Variants in TGM4 observed in about 807,000 individuals in gnomAD.
TGM4 encodes the protein transglutaminase 4.
Under a neutral mutation model 76.3 loss-of-function variants are expected in TGM4, and 61 were observed. The ratio of observed to expected loss-of-function variants is 0.80; its 90% CI spans 0.65 to 0.99. The LOEUF is 0.99. Ranked by LOEUF, TGM4 falls within the 50% of genes least tolerant of loss-of-function variation. The pLI is 0.00. For synonymous variants in TGM4, 337 were observed against 329.8 expected (o/e 1.02, Z -0.24); for missense variants, 794 against 843.2 (o/e 0.94, Z 0.72).
chr3:44,878,386 G>A (rs1179445794), intron 1 of TGM4, among the ~76,000 whole-genome samples: 1 of 151,504 alleles, frequency 6.6e-6, no homozygotes, highest in Non-Finnish European at 1.5e-5. Flanking sequence ...TCTGGAGAAA[G>A]GATCTGGGAG....
chr3:44,894,679 G>A (rs1289146684), intron 5 of TGM4, among the ~76,000 whole-genome samples: 1 of 151,444 alleles, frequency 6.6e-6, no homozygotes, highest in Non-Finnish European at 1.5e-5. Flanking sequence ...AAAAACTCCT[G>A]GGAAATGCCA....
At chr3:44,885,273 G>C in intron 1 of TGM4, 52 bp from the exon 2 acceptor site, 1 of 1,536,644 alleles carries the variant, frequency 6.5e-7, no homozygotes, top group Non-Finnish European at 8.8e-7. Context: ...GAGGTGATCA[G>C]GGAATAAACA....
At chr3:44,878,071 A>T (rs980109516) in intron 1 of TGM4, among the ~76,000 whole-genome samples, 1 of 151,994 alleles carries the variant, frequency 6.6e-6, no homozygotes, top group Non-Finnish European at 1.5e-5. Context: ...GGATTGCTTC[A>T]GCCCAGGAGG....
intron 1 of TGM4, among the ~76,000 whole-genome samples, chr3:44,875,996 G>T (rs1399241122): frequency 6.6e-6 from 1 of 152,196 alleles, no homozygotes; most frequent in East Asian, 1.9e-4. Context: ...CTTTGGGCAG[G>T]TTACATCAAT....
chr3:44,884,553 C>T (rs1487467747), intron 1 of TGM4, among the ~76,000 whole-genome samples: 2 of 152,002 alleles, frequency 1.3e-5, no homozygotes, highest in Non-Finnish European at 2.9e-5. Flanking sequence ...GGCTTGATCT[C>T]GGCTCCTGAT....
intron 9 of TGM4, among the ~76,000 whole-genome samples, chr3:44,905,984 G>A (rs1354681082): frequency 6.6e-6 from 1 of 152,228 alleles, no homozygotes; most frequent in Non-Finnish European, 1.5e-5. Context: ...GAGAGGCAGA[G>A]GAAGCCCTGT....
chr3:44,907,097 C>T lies in TGM4; in HGVS notation c.1224C>T (p.His408=), dbSNP rs758227185. 10 of 1,614,098 alleles carry T rather than the reference C, an allele frequency of 6.2e-6. No homozygotes were observed. Among genetic ancestry groups the T allele is most frequent in the Non-Finnish European group, 6.8e-6 (8 of 1,180,026 alleles). ...VKMVNGQEEL[H]VISMETTSIG... is the part of the protein sequence containing the mutation. ...TGGTGAATGGGCAGGAGGAGTTACA[C>T]GTAATTTCAATGGAGACCACAAGCA... Residue 408 remains histidine, a synonymous_variant, in exon 10 of 14, where the codon CAC becomes CAT. Transcript: ENST00000296125.
chr3:44,910,137 A>C lies in TGM4; in HGVS notation c.1375A>C (p.Ser459Arg). The C allele has an allele frequency of 6.2e-7, 1 of 1,614,224 alleles. No homozygotes were observed. Among genetic ancestry groups the C allele is most frequent in the Non-Finnish European group, 8.5e-7 (1 of 1,180,048 alleles). The stretch of plus-strand genomic sequence containing the variant: ...CATGGATCATGCCTTCCTCCTTCTC[A>C]GTTCTGAGAGGGAGCACAGACGACC... The part of the protein sequence containing the change: ...QVMDHAFLLL[S>R]SEREHRRPVK... The change falls in exon 11 of 14, where the codon AGT becomes CGT. Residue 459 changes from serine to arginine, a missense_variant. Transcript: ENST00000296125.
chr3:44,913,833 T>G lies in TGM4; in HGVS notation c.*108T>G. 6.8e-7 allele frequency: 1 copy of G among 1,472,140 alleles called. No homozygotes were observed. The highest frequency in any genetic ancestry group is 1.4e-5 in the South Asian group (1 of 72,522). 91.2% of individuals were successfully genotyped at this position (1,472,140 alleles called of 1,614,324 possible). ...TTTGATGACTTATATGAGGGCAGAT[T>G]CAAGAGCCAGCAGGTCAAAAAGGCC... is the stretch of plus-strand genomic sequence containing the variant. On this transcript the variant is annotated 3_prime_UTR_variant, in exon 14 of 14. Coordinates refer to ENST00000296125, the MANE Select transcript of TGM4 (RefSeq NM_003241.4).
intron 1 of TGM4, among the ~76,000 whole-genome samples, chr3:44,885,021 T>A (rs1327884031): frequency 6.6e-6 from 1 of 152,156 alleles, no homozygotes; most frequent in Non-Finnish European, 1.5e-5. Flanking sequence ...GAAACTCAGT[T>A]TCCTCACCTG....
At chr3:44,908,866 C>T (rs769078125) in intron 10 of TGM4, among the ~76,000 whole-genome samples, 16 of 152,208 alleles carry the variant, frequency 1.1e-4, no homozygotes, top group African/African-American at 3.4e-4. Context: ...CCCACACCAC[C>T]ATGTATGGCC....
At position 44,911,335 on chromosome 3, in the gene TGM4, C is replaced by T. The variant is rs777233788; in HGVS notation, c.1842C>T (p.Ala614=). 6.2e-7 allele frequency: 1 copy of T among 1,614,254 alleles called. No homozygotes were observed. The highest frequency in any genetic ancestry group is 1.1e-5 in the South Asian group (1 of 91,084). Residue 614 remains alanine, a synonymous_variant, in exon 13 of 14, where the codon GCC becomes GCT. Coordinates refer to ENST00000296125, the MANE Select transcript of TGM4 (RefSeq NM_003241.4). The part of the protein sequence containing the change: ...VCNCIFKNTL[A]IPLTDVKFSL... ...ATTGTATCTTCAAGAATACCCTGGC[C>T]ATCCCTTTGACTGACGTCAAGTTCT...
At chr3:44,896,523 G>C (rs1699780629) in intron 5 of TGM4, among the ~76,000 whole-genome samples, 186 bp from the exon 6 acceptor site, 1 of 152,124 alleles carries the variant, frequency 6.6e-6, no homozygotes, top group Admixed American at 6.5e-5. Context: ...CTTAACTACT[G>C]TCCTGTGGCA....
intron 6 of TGM4, among the ~76,000 whole-genome samples, chr3:44,897,213 C>T (rs1040951000): frequency 6.6e-6 from 1 of 152,066 alleles, no homozygotes; most frequent in Non-Finnish European, 1.5e-5. Context: ...ACCATCTTGG[C>T]CAGGCTGGTC....
At chr3:44,876,911 C>G (rs971651763) in intron 1 of TGM4, among the ~76,000 whole-genome samples, 1 of 152,066 alleles carries the variant, frequency 6.6e-6, no homozygotes, top group Non-Finnish European at 1.5e-5. Flanking sequence ...TATACATGGA[C>G]AAAGAGCAGT....
intron 1 of TGM4, among the ~76,000 whole-genome samples, chr3:44,880,538 A>G (rs1363383638): frequency 1.3e-5 from 2 of 152,040 alleles, no homozygotes; most frequent in Non-Finnish European, 2.9e-5. Context: ...CAATATGGAC[A>G]CTGGGGGGTG....
At chr3:44,909,942 A>G (rs6441872) in intron 10 of TGM4, 148 bp from the exon 11 acceptor site, 416,030 of 779,358 alleles carry the variant, frequency 0.53, 116,867 homozygotes, top group East Asian at 0.86. Flanking sequence ...GATTTGAATG[A>G]TCCTCTGTGT....
intron 1 of TGM4, among the ~76,000 whole-genome samples, chr3:44,880,312 C>T (rs983793084): frequency 2.6e-5 from 4 of 152,240 alleles, no homozygotes; most frequent in African/African-American, 9.6e-5. Context: ...AAACCAGTGA[C>T]AACTGTGACT....
At chr3:44,907,730 T>G (rs1046209001) in intron 10 of TGM4, among the ~76,000 whole-genome samples, 11 of 152,166 alleles carry the variant, frequency 7.2e-5, no homozygotes, top group African/African-American at 2.7e-4. Flanking sequence ...TGCTTATGCT[T>G]TCCCTAACTG....
Sources: allele counts gnomAD v4.1 joint callset (sites outside exome capture counted in the v4.1 genomes callset), GRCh38; gene constraint gnomAD v4.1.1; transcripts MANE v1.5; gene names NCBI Gene and HGNC (gene_info 2026-07-23, HGNC 2026-07-21).